Variants in EPHA3 observed in about 807,000 individuals in gnomAD.
EPHA3 encodes the protein EPH receptor A3.
A neutral mutation model predicts 107.1 loss-of-function variants in EPHA3; 42 were observed. The observed-to-expected ratio is 0.39, with a 90% CI of 0.31 to 0.51. The LOEUF is 0.51. Among genes scored for constraint, EPHA3 ranks in the 20% least tolerant of loss-of-function variants. The probability of loss-of-function intolerance (pLI) is 0.78; values close to 1 mark genes in which losing one functional copy is unlikely to be tolerated. For synonymous variants in EPHA3, 461 were observed against 424.8 expected, an observed-to-expected ratio of 1.09 and a Z score of -1.05; for missense variants, 1,183 against 1,211.2, an observed-to-expected ratio of 0.98 and a Z score of 0.35.
At chr3:89,404,902 G>A (rs541154178) in intron 7 of EPHA3, among the ~76,000 whole-genome samples, 130 of 152,226 alleles carry the variant, frequency 8.5e-4, no homozygotes, top group African/African-American at 2.7e-3. Context: ...AAAGTGAAAA[G>A]CATGAGTTCA....
Position 89,476,678 on chromosome 3 carries a change from G to C in EPHA3, c.2847-2719G>C, listed in dbSNP as rs186473665. ...GCTGGAGTGCAGTGGCGCGATCTCGGCTCACTGCAAGCTCCGCCTCCTGGG... is the reference window on the plus strand; with the variant it reads ...GCTGGAGTGCAGTGGCGCGATCTCGCCTCACTGCAAGCTCCGCCTCCTGGG... On this transcript the variant is annotated intron_variant, in intron 16 of 16. Coordinates refer to ENST00000336596, the MANE Select transcript of EPHA3 (RefSeq NM_005233.6). 7.4e-3 allele frequency among the ~76,000 whole-genome samples: 1,120 copies of C among 151,332 alleles called. 24 individuals are homozygous for C. The highest frequency in any genetic ancestry group is 0.025 in the African/African-American group (1,040 of 41,238).
intron 3 of EPHA3, among the ~76,000 whole-genome samples, chr3:89,316,505 AAT>A (rs58576798): frequency 0.16 from 16,740 of 103,840 alleles, 1,353 homozygotes; most frequent in African/African-American, 0.29. Flanking sequence ...GTGTGTGTGT[AAT>A]ATATATATAT....
chr3:89,346,228 C>G (rs1025954149), intron 5 of EPHA3, among the ~76,000 whole-genome samples: 2 of 126,678 alleles, frequency 1.6e-5, no homozygotes, highest in Non-Finnish European at 3.4e-5. Context: ...GTTTACAGTC[C>G]CACCAACAGT....
At chr3:89,314,333 G>A (rs1706841031) in intron 3 of EPHA3, among the ~76,000 whole-genome samples, 1 of 151,772 alleles carries the variant, frequency 6.6e-6, no homozygotes, top group African/African-American at 2.4e-5. Context: ...TGATGTTAGA[G>A]GTATGTGACT....
chr3:89,167,043 C>G (rs183102082), intron 2 of EPHA3, among the ~76,000 whole-genome samples: 4 of 152,144 alleles, frequency 2.6e-5, no homozygotes, highest in Admixed American at 2.6e-4. Flanking sequence ...GAAAATAACT[C>G]AGGAAAATGA....
At chr3:89,255,929 A>C (rs759842918) in intron 3 of EPHA3, among the ~76,000 whole-genome samples, 4 of 151,682 alleles carry the variant, frequency 2.6e-5, no homozygotes, top group Non-Finnish European at 5.9e-5. Context: ...TAAATAAATA[A>C]AAATAAAAAA....
chr3:89,346,035 G>C lies in EPHA3; in HGVS notation c.1306+3945G>C, dbSNP rs1197686386. Among the ~76,000 whole-genome samples the C allele has an allele frequency of 3.6e-5, 5 of 140,542 alleles. 1 individual carries two copies. The highest frequency in any genetic ancestry group is 1.4e-4 in the Admixed American group (2 of 14,052). The allele number at this position is 140,542 out of a possible 152,430, so 92.2% of individuals were successfully genotyped here. A position where few individuals can be genotyped will look rare whatever the true frequency, so the allele number is the denominator to read the frequency against. ...TCTATCATTGTTGGACATTTGGGTT[G>C]GTTCCAAGTCTTTGCTATTGTGAAT... is the stretch of plus-strand genomic sequence containing the variant. On this transcript the variant is annotated intron_variant, in intron 5 of 16. Coordinates refer to ENST00000336596, the MANE Select transcript of EPHA3 (RefSeq NM_005233.6).
chr3:89,212,867 T>C (rs1161161707), intron 3 of EPHA3, among the ~76,000 whole-genome samples: 2 of 152,072 alleles, frequency 1.3e-5, no homozygotes, highest in African/African-American at 4.8e-5. Context: ...TATTCCTTCT[T>C]CTTTTACATT....
At chr3:89,351,119 A>C (rs144848844) in intron 5 of EPHA3, among the ~76,000 whole-genome samples, 72,722 of 150,332 alleles carry the variant, frequency 0.48, 19,791 homozygotes, top group African/African-American at 0.65. Context: ...GGCAGGCAGG[A>C]CTCCTTGAAC....
At chr3:89,150,844 C>T (rs1333751977) in intron 2 of EPHA3, among the ~76,000 whole-genome samples, 2 of 151,980 alleles carry the variant, frequency 1.3e-5, no homozygotes, top group Non-Finnish European at 2.9e-5. Flanking sequence ...GGTATGGTGA[C>T]TCATGCCTGT....
At chr3:89,158,953 T>G (rs922136051) in intron 2 of EPHA3, among the ~76,000 whole-genome samples, 5 of 152,130 alleles carry the variant, frequency 3.3e-5, no homozygotes, top group African/African-American at 1.2e-4. Flanking sequence ...ATAACTACTT[T>G]TTTTTGTTAT....
chr3:89,221,248 T>C (rs184402024), intron 3 of EPHA3, among the ~76,000 whole-genome samples: 17 of 152,304 alleles, frequency 1.1e-4, no homozygotes, highest in Admixed American at 2.0e-4. Context: ...TTGTGTCCTC[T>C]CTCTGGGACC....
intron 5 of EPHA3, among the ~76,000 whole-genome samples, chr3:89,370,415 C>A (rs1173490662): frequency 6.6e-6 from 1 of 151,558 alleles, no homozygotes; most frequent in African/African-American, 2.4e-5. Flanking sequence ...GGACAAAAAA[C>A]CAAACACCGC....
intron 2 of EPHA3, among the ~76,000 whole-genome samples, chr3:89,156,996 T>A (rs1704821513): frequency 6.6e-6 from 1 of 152,024 alleles, no homozygotes; most frequent in Non-Finnish European, 1.5e-5. Context: ...AGTGCACAAA[T>A]GAATCCGGAT....
intron 3 of EPHA3, among the ~76,000 whole-genome samples, chr3:89,329,774 C>T (rs1206599960): frequency 2.0e-5 from 3 of 151,962 alleles, no homozygotes; most frequent in Non-Finnish European, 4.4e-5. Context: ...CTATATATTG[C>T]TGTGGTATCT....
At chr3:89,245,902 A>C (rs1251432770) in intron 3 of EPHA3, among the ~76,000 whole-genome samples, 1 of 152,230 alleles carries the variant, frequency 6.6e-6, no homozygotes, top group Non-Finnish European at 1.5e-5. Flanking sequence ...TAATAAGGTT[A>C]CGTAAAGCCC....
At chr3:89,476,049 A>G (rs1710498031) in intron 16 of EPHA3, among the ~76,000 whole-genome samples, 2 of 150,280 alleles carry the variant, frequency 1.3e-5, no homozygotes, top group Non-Finnish European at 3.0e-5. Context: ...CAAAAGTCCA[A>G]TATAATCATT....
At chr3:89,391,642 C>T (rs1708742909) in intron 5 of EPHA3, among the ~76,000 whole-genome samples, 2 of 151,494 alleles carry the variant, frequency 1.3e-5, no homozygotes, top group Non-Finnish European at 2.9e-5. Context: ...ACCGTGTTAG[C>T]CAGGATGGTC....
chr3:89,219,184 A>T (rs1461965210), intron 3 of EPHA3, among the ~76,000 whole-genome samples: 1 of 149,564 alleles, frequency 6.7e-6, no homozygotes, highest in African/African-American at 2.5e-5. Flanking sequence ...TTTTTTCGAG[A>T]TGGAGTTTTG....
Sources: allele counts gnomAD v4.1 joint callset (sites outside exome capture counted in the v4.1 genomes callset), GRCh38; gene constraint gnomAD v4.1.1; transcripts MANE v1.5; gene names NCBI Gene and HGNC (gene_info 2026-07-23, HGNC 2026-07-21).